MIPOL1: variants seen among roughly 807,000 people sequenced by gnomAD.
The protein encoded by MIPOL1 is mirror-image polydactyly gene 1 protein.
In MIPOL1, 57 loss-of-function variants were observed where a neutral mutation model predicts 60.9. The ratio of observed to expected loss-of-function variants is 0.94; its 90% CI spans 0.76 to 1.17. The LOEUF is 1.17. Ranked by LOEUF, MIPOL1 falls within the 50% of genes most tolerant of loss-of-function variation. MIPOL1 has a pLI of 0.00. For synonymous variants in MIPOL1, 179 were observed against 168.8 expected, an observed-to-expected ratio of 1.06 and a Z score of -0.47; for missense variants, 551 against 511.6, an observed-to-expected ratio of 1.08 and a Z score of -0.74.
intron 9 of MIPOL1, among the ~76,000 whole-genome samples, chr14:37,310,564 A>G (rs1179638867): frequency 6.6e-6 from 1 of 152,132 alleles, no homozygotes; most frequent in African/African-American, 2.4e-5. Flanking sequence ...ACTAGTTCAC[A>G]TCTTTTCTGG....
At chr14:37,512,891 T>G (rs1472849081) in intron 12 of MIPOL1, among the ~76,000 whole-genome samples, 2 of 152,146 alleles carry the variant, frequency 1.3e-5, no homozygotes, top group African/African-American at 2.4e-5. Flanking sequence ...TTCTAGAAAT[T>G]GCTCCTTAAA....
intron 10 of MIPOL1, among the ~76,000 whole-genome samples, chr14:37,415,361 G>A (rs560924997): frequency 1.3e-5 from 2 of 151,974 alleles, no homozygotes; most frequent in South Asian, 2.1e-4. Context: ...GGTGGCTCAC[G>A]CCTATAATCC....
chr14:37,257,943 C>A (rs1192133239), intron 3 of MIPOL1, among the ~76,000 whole-genome samples: 1 of 152,122 alleles, frequency 6.6e-6, no homozygotes, highest in African/African-American at 2.4e-5. Context: ...CCTCCCTGAT[C>A]TTCTCCAGTT....
chr14:37,217,339 A>T (rs1378978096), intron 1 of MIPOL1, among the ~76,000 whole-genome samples: 1 of 152,152 alleles, frequency 6.6e-6, no homozygotes, highest in Non-Finnish European at 1.5e-5. Flanking sequence ...CTTAATACCA[A>T]TCCCACTCAA....
intron 10 of MIPOL1, among the ~76,000 whole-genome samples, chr14:37,410,339 CTAAAACTTAAAGTATAATAATAA>C (rs2093661173): frequency 6.6e-6 from 1 of 151,890 alleles, no homozygotes; most frequent in South Asian, 2.1e-4. Flanking sequence ...CACATGTACC[CTAAAACTTAAAGTATAATAATAA>C]TAAAATTTAA....
intron 5 of MIPOL1, among the ~76,000 whole-genome samples, chr14:37,269,283 A>G (rs896243776): frequency 6.6e-6 from 1 of 151,958 alleles, no homozygotes; most frequent in Non-Finnish European, 1.5e-5. Context: ...GTCCAGTCCA[A>G]TTTGTCACGT....
At chr14:37,257,755 G>A (rs1975201592) in intron 3 of MIPOL1, among the ~76,000 whole-genome samples, 1 of 152,086 alleles carries the variant, frequency 6.6e-6, no homozygotes, top group African/African-American at 2.4e-5. Flanking sequence ...CCAGGTTTAG[G>A]AACAATGTAG....
chr14:37,551,411 A>G (rs1280058076), downstream of MIPOL1: 1 of 152,144 alleles, frequency 6.6e-6, no homozygotes, highest in Non-Finnish European at 1.5e-5. Context: ...TCCTTAACAA[A>G]TTTAATAAAG....
At chr14:37,199,520 C>CT (rs963874618) in intron 1 of MIPOL1, among the ~76,000 whole-genome samples, 78 of 149,548 alleles carry the variant, frequency 5.2e-4, no homozygotes, top group African/African-American at 1.6e-3. Context: ...ATTATGTATA[C>CT]TTTTTTTTTT....
chr14:37,364,327 C>T (rs2092395314), intron 9 of MIPOL1, among the ~76,000 whole-genome samples: 1 of 152,144 alleles, frequency 6.6e-6, no homozygotes, highest in South Asian at 2.1e-4. Flanking sequence ...GAGATTTTCC[C>T]TTATATTTTC....
At chr14:37,473,428 C>A (rs1249878580) in intron 11 of MIPOL1, among the ~76,000 whole-genome samples, 2 of 152,006 alleles carry the variant, frequency 1.3e-5, no homozygotes, top group Non-Finnish European at 2.9e-5. Flanking sequence ...CAAATGAACA[C>A]AGACACTATA....
intron 1 of MIPOL1, among the ~76,000 whole-genome samples, chr14:37,204,651 C>T (rs1029586941): frequency 7.2e-5 from 11 of 152,070 alleles, no homozygotes; most frequent in Admixed American, 2.6e-4. Flanking sequence ...CGTGGAACTG[C>T]GAGCCCATTA....
intron 12 of MIPOL1, among the ~76,000 whole-genome samples, chr14:37,511,198 T>C (rs913625510): frequency 5.3e-5 from 8 of 152,182 alleles, no homozygotes; most frequent in Admixed American, 6.5e-5. Flanking sequence ...TCATCACTTA[T>C]AGGGAAAAAG....
intron 1 of MIPOL1, among the ~76,000 whole-genome samples, chr14:37,238,115 A>G (rs1971772116): frequency 6.6e-6 from 1 of 152,160 alleles, no homozygotes; most frequent in Non-Finnish European, 1.5e-5. Flanking sequence ...TTACAGGCAA[A>G]CACTATCTTC....
intron 7 of MIPOL1, among the ~76,000 whole-genome samples, 182 bp from the exon 8 acceptor site, chr14:37,307,874 A>G (rs558237193): frequency 1.3e-5 from 2 of 152,168 alleles, no homozygotes; most frequent in Admixed American, 1.3e-4. Context: ...AGTGCAGAAG[A>G]TATGGAGCAT....
chr14:37,543,361 G>A (rs890180955), intron 12 of MIPOL1, among the ~76,000 whole-genome samples: 4 of 151,714 alleles, frequency 2.6e-5, no homozygotes, highest in South Asian at 2.1e-4. Context: ...CTGAAACCTC[G>A]GCCTCCCAGG....
chr14:37,514,162 G>T (rs2095350900), intron 12 of MIPOL1, among the ~76,000 whole-genome samples: 1 of 151,966 alleles, frequency 6.6e-6, no homozygotes. Context: ...TTCCTTAGAG[G>T]GATATATGAT....
intron 7 of MIPOL1, among the ~76,000 whole-genome samples, chr14:37,286,064 TCTC>T (rs1388193799): frequency 6.6e-6 from 1 of 152,182 alleles, no homozygotes; most frequent in Non-Finnish European, 1.5e-5. Flanking sequence ...TATCTCCTCT[TCTC>T]CTCATTATCA....
intron 9 of MIPOL1, among the ~76,000 whole-genome samples, chr14:37,367,663 C>T (rs1015194223): frequency 6.6e-6 from 1 of 152,070 alleles, no homozygotes; most frequent in Admixed American, 6.6e-5. Flanking sequence ...CTCCATGAAA[C>T]GTTCTTTCTC....
Sources: allele counts gnomAD v4.1 joint callset (sites outside exome capture counted in the v4.1 genomes callset), GRCh38; gene constraint gnomAD v4.1.1; transcripts MANE v1.5; gene names NCBI Gene and HGNC (gene_info 2026-07-23, HGNC 2026-07-21).